The following CEP128 variants were observed in gnomAD, a reference collection of about 807,000 sequenced individuals.
CEP128 encodes the protein centrosomal protein 128.
In CEP128, 132 loss-of-function variants were observed where a neutral mutation model predicts 156.7. That is an observed-to-expected ratio of 0.84 (90% CI 0.73 to 0.97). The LOEUF (loss-of-function observed/expected upper bound fraction) is 0.97, where lower values mean the gene tolerates loss of function less well. CEP128 is among the 50% of genes least tolerant of loss of function. CEP128 has a pLI of 0.00. For synonymous variants in CEP128, 469 were observed against 448.9 expected, an observed-to-expected ratio of 1.04 and a Z score of -0.57; for missense variants, 1,252 against 1,281.9, an observed-to-expected ratio of 0.98 and a Z score of 0.36.
At chr14:80,901,998 C>G (rs1883588538) in intron 6 of CEP128, among the ~76,000 whole-genome samples, 1 of 152,142 alleles carries the variant, frequency 6.6e-6, no homozygotes, top group Non-Finnish European at 1.5e-5. Flanking sequence ...GGGCTATCTT[C>G]CCTCCTGCCA....
At chr14:80,498,518 C>T (rs1887594924) in intron 24 of CEP128, among the ~76,000 whole-genome samples, 2 of 152,144 alleles carry the variant, frequency 1.3e-5, no homozygotes, top group Admixed American at 1.3e-4. Flanking sequence ...TCTAGGAGAC[C>T]ATGGCCCTTT....
Position 80,664,811 on chromosome 14 carries a change from G to A in CEP128, c.2806+78264C>T, listed in dbSNP as rs189741529. Among the ~76,000 whole-genome samples, 684 of 152,170 alleles carry A rather than the reference G, an allele frequency of 4.5e-3. 9 individuals are homozygous for A. The highest frequency in any genetic ancestry group is 0.039 in the Admixed American group (592 of 15,286). ...TTAAAGGAGGTTTACTTTAACAACC[G>A]GAAACCAATGAGCAAACACTTCTGC... On this transcript the variant is annotated intron_variant, in intron 19 of 24. Coordinates refer to ENST00000555265, the MANE Select transcript of CEP128 (RefSeq NM_152446.5).
At chr14:80,578,202 C>T (rs935981441) in intron 20 of CEP128, among the ~76,000 whole-genome samples, 20 of 152,092 alleles carry the variant, frequency 1.3e-4, no homozygotes, top group African/African-American at 4.1e-4. Flanking sequence ...GGTAAGAAGA[C>T]ATCTAGTACA....
downstream of CEP128, among the ~76,000 whole-genome samples, chr14:80,493,002 T>C (rs1253333876): frequency 6.6e-6 from 1 of 152,152 alleles, no homozygotes; most frequent in African/African-American, 2.4e-5. Flanking sequence ...AGTATTCTGA[T>C]CTTTATTTCC....
rs79285915 is a variant in CEP128 at position 80,773,198 on chromosome 14, G to A, written c.2376+4684C>T. 3.3e-3 allele frequency among the ~76,000 whole-genome samples: 506 copies of A among 152,186 alleles called. 2 individuals carry two copies. The highest frequency in any genetic ancestry group is 6.0e-3 in the Non-Finnish European group (406 of 67,996). ...TCTCAGATTCTTGTATATATAAAATGAAAATCATCAGTAAAATTAAATTAT... is the reference window on the plus strand; with the variant it reads ...TCTCAGATTCTTGTATATATAAAATAAAAATCATCAGTAAAATTAAATTAT... On this transcript the variant is annotated intron_variant, in intron 16 of 24. Transcript: ENST00000555265.
At chr14:80,866,965 C>G (rs1887796055) in intron 8 of CEP128, among the ~76,000 whole-genome samples, 1 of 152,074 alleles carries the variant, frequency 6.6e-6, no homozygotes, top group South Asian at 2.1e-4. Flanking sequence ...ACAATTTTTC[C>G]CTTCATAATT....
chr14:80,597,900 A>G (rs1411223735), intron 19 of CEP128, among the ~76,000 whole-genome samples: 1 of 147,832 alleles, frequency 6.8e-6, no homozygotes, highest in African/African-American at 2.5e-5. Flanking sequence ...TTGACCATTT[A>G]TGATAAAAAT....
intron 19 of CEP128, among the ~76,000 whole-genome samples, chr14:80,713,255 C>A (rs2139421386): frequency 6.6e-6 from 1 of 152,254 alleles, no homozygotes; most frequent in Non-Finnish European, 1.5e-5. Flanking sequence ...TAATACCAGA[C>A]CACATTTTCC....
downstream of CEP128, among the ~76,000 whole-genome samples, chr14:80,494,243 T>A (rs904465438): frequency 1.3e-5 from 2 of 152,188 alleles, no homozygotes; most frequent in African/African-American, 4.8e-5. Flanking sequence ...TTAGTTTTGA[T>A]CCAAGAAAAC....
chr14:80,684,921 C>T (rs1285891389), intron 19 of CEP128, among the ~76,000 whole-genome samples: 1 of 152,048 alleles, frequency 6.6e-6, no homozygotes, highest in Non-Finnish European at 1.5e-5. Context: ...AAACCCTCAA[C>T]AAACTAGGCA....
chr14:80,779,639 T>C (rs2139778685), intron 15 of CEP128, among the ~76,000 whole-genome samples: 1 of 152,324 alleles, frequency 6.6e-6, no homozygotes, highest in East Asian at 1.9e-4. Context: ...TGATGTCTCA[T>C]TTGATAGCTT....
At chr14:80,873,922 T>C (rs974486579) in intron 8 of CEP128, among the ~76,000 whole-genome samples, 6 of 152,212 alleles carry the variant, frequency 3.9e-5, no homozygotes, top group African/African-American at 1.4e-4. Context: ...TTTTGCCTGC[T>C]GTCATCCATG....
chr14:80,831,628 C>T (rs1040397196), intron 12 of CEP128, among the ~76,000 whole-genome samples: 1 of 146,426 alleles, frequency 6.8e-6, no homozygotes. Flanking sequence ...AAAAAAAATA[C>T]AAAAAGAGTT....
Position 80,890,056 on chromosome 14 carries a change from G to A in CEP128, c.645+5662C>T, listed in dbSNP as rs1178087193. The stretch of plus-strand genomic sequence containing the variant: ...TCACCATCACTGGTCATTAGAGAAT[G>A]CAAAGCAAAACCACAGTGAGATACC... On this transcript the variant is annotated intron_variant, in intron 8 of 24. Transcript: ENST00000555265. Among the ~76,000 whole-genome samples the A allele has an allele frequency of 5.6e-4, 86 of 152,284 alleles. 1 individual carries two copies. The highest frequency in any genetic ancestry group is 2.9e-5 in the Non-Finnish European group (2 of 68,008).
intron 19 of CEP128, among the ~76,000 whole-genome samples, chr14:80,621,170 T>G (rs1279883760): frequency 6.6e-6 from 1 of 152,128 alleles, no homozygotes; most frequent in Non-Finnish European, 1.5e-5. Context: ...GTTTAAAATA[T>G]CTCATAATTT....
At chr14:80,895,343 T>C (rs1443654324) in intron 8 of CEP128, among the ~76,000 whole-genome samples, 1 of 152,170 alleles carries the variant, frequency 6.6e-6, no homozygotes, top group African/African-American at 2.4e-5. Flanking sequence ...AAAACCACTG[T>C]GAAAGAATTC....
chr14:80,611,782 G>A (rs531897638), intron 19 of CEP128, among the ~76,000 whole-genome samples: 31 of 152,240 alleles, frequency 2.0e-4, no homozygotes, highest in Non-Finnish European at 2.8e-4. Flanking sequence ...TAGATAGGCC[G>A]GGTGTGGTGG....
At chr14:80,495,783 A>G (rs528928851), downstream of CEP128, among the ~76,000 whole-genome samples, 33 of 152,316 alleles carry the variant, frequency 2.2e-4, no homozygotes, top group Admixed American at 7.9e-4. Flanking sequence ...TTTAACTAAC[A>G]TTTATCCATA....
chr14:80,914,799 A>G (rs1805741468), intron 3 of CEP128, among the ~76,000 whole-genome samples: 2 of 152,222 alleles, frequency 1.3e-5, no homozygotes, highest in Admixed American at 1.3e-4. Context: ...GAAAATCATT[A>G]AGATCAATGT....
Sources: gnomAD v4.1 joint callset for allele counts (sites outside exome capture counted in the v4.1 genomes callset) on GRCh38, gnomAD v4.1.1 for gene constraint, MANE v1.5 for transcripts, NCBI Gene and HGNC (gene_info 2026-07-23, HGNC 2026-07-21) for gene names.